MAP4K4: variants seen among roughly 807,000 people sequenced by gnomAD.
The protein encoded by MAP4K4 is HPK/GCK-like kinase HGK.
In MAP4K4, 38 loss-of-function variants were observed where a neutral mutation model predicts 189.6. The ratio of observed to expected loss-of-function variants is 0.20; its 90% CI spans 0.15 to 0.26. MAP4K4 has a LOEUF of 0.26. Among genes scored for constraint, MAP4K4 ranks in the 10% least tolerant of loss-of-function variants. MAP4K4 has a pLI of 1.00. For synonymous variants in MAP4K4, 610 were observed against 624.3 expected (o/e 0.98, Z 0.34); for missense variants, 1,054 against 1,726.9 (o/e 0.61, Z 6.91).
intron 23 of MAP4K4, chr2:101,870,783 A>G (rs960834561): frequency 5.1e-6 from 1 of 196,870 alleles, no homozygotes; most frequent in Non-Finnish European, 1.0e-5. Context: ...GGCTCTGCAG[A>G]GCACGCTGGG....
At chr2:101,723,093 C>T (rs2053162338) in intron 2 of MAP4K4, among the ~76,000 whole-genome samples, 1 of 152,212 alleles carries the variant, frequency 6.6e-6, no homozygotes, top group Non-Finnish European at 1.5e-5. Context: ...AACTGCCAAA[C>T]ACTTACAAAA....
At chr2:101,873,623 A>G in intron 24 of MAP4K4, 24 bp from the exon 25 acceptor site, 2 of 1,247,888 alleles carry the variant, frequency 1.6e-6, no homozygotes, top group Non-Finnish European at 2.3e-6. Flanking sequence ...AGTTGTATTA[A>G]TAACATTGAA....
rs539246148 is a variant in MAP4K4 at position 101,792,647 on chromosome 2, A to C, written c.180+1871A>C. 3.8e-4 allele frequency among the ~76,000 whole-genome samples: 52 copies of C among 136,434 alleles called. No individual in the cohort carries two copies. In the East Asian group the frequency reaches 8.7e-3, roughly 23 times the overall value. The allele number at this position is 136,434 out of a possible 152,430, so 89.5% of individuals were successfully genotyped here. On this transcript the variant is annotated intron_variant, in intron 3 of 32. Transcript: ENST00000324219. ...CTCCTCCTTCTTCTTTCTTCTTCTTATTTTTTGAGATGGAGTCTCACTCTG... is the reference window on the plus strand; with the variant it reads ...CTCCTCCTTCTTCTTTCTTCTTCTTCTTTTTTGAGATGGAGTCTCACTCTG...
chr2:101,777,522 A>G (rs2084892193), intron 2 of MAP4K4, among the ~76,000 whole-genome samples: 1 of 152,200 alleles, frequency 6.6e-6, no homozygotes, highest in South Asian at 2.1e-4. Context: ...AGACAAAGTC[A>G]TTCATCGCCT....
rs528382870 is a variant in MAP4K4, at chr2:101,789,175, G to A, written c.124-1545G>A. 3.3e-5 allele frequency among the ~76,000 whole-genome samples: 5 copies of A among 152,296 alleles called. No individual in the cohort carries two copies. In the South Asian group the frequency reaches 8.3e-4, roughly 25 times the overall value. ...CAGGGGGTGAATAACAGGTTTGAAG[G>A]TTGGTTAGTTGCCAAGGAGATGAAC... is the stretch of plus-strand genomic sequence containing the variant. On this transcript the variant is annotated intron_variant, in intron 2 of 32. Transcript: ENST00000324219.
At chr2:101,740,922 G>A (rs1000832199) in intron 2 of MAP4K4, among the ~76,000 whole-genome samples, 1 of 152,136 alleles carries the variant, frequency 6.6e-6, no homozygotes, top group African/African-American at 2.4e-5. Flanking sequence ...ATGTGTATGA[G>A]CCAGACCCTG....
intron 3 of MAP4K4, among the ~76,000 whole-genome samples, chr2:101,797,671 A>T (rs2093861750): frequency 1.3e-5 from 2 of 151,952 alleles, no homozygotes; most frequent in Admixed American, 6.6e-5. Context: ...TTATTTATTT[A>T]TTTTTTAAAT....
intron 3 of MAP4K4, among the ~76,000 whole-genome samples, chr2:101,791,987 T>C (rs1311652931): frequency 6.6e-6 from 1 of 152,250 alleles, no homozygotes; most frequent in African/African-American, 2.4e-5. Flanking sequence ...TGTTGTATTA[T>C]AGTGATCCTA....
At chr2:101,888,819 A>G (rs1559353201) in exon 32 of MAP4K4, 2 of 1,612,018 alleles carry the variant, frequency 1.2e-6, no homozygotes, top group Non-Finnish European at 1.7e-6. Flanking sequence ...CAATCAGACA[A>G]TGGGCTGGGG....
rs997467871 is a variant in MAP4K4, at chr2:101,790,647, T to G, written c.124-73T>G. 5.7e-6 allele frequency: 6 copies of G among 1,054,148 alleles called. No homozygotes were observed. In the African/African-American group the frequency reaches 9.4e-5, roughly 17 times the overall value. 65.3% of individuals were successfully genotyped at this position (1,054,148 alleles called of 1,614,324 possible). On this transcript the variant is annotated intron_variant, in intron 2 of 32. Coordinates refer to ENST00000324219, the Ensembl canonical transcript of MAP4K4. ...AGTTGAGATACGATTTGTTGGAAAC[T>G]TCAGCCATTTTGTTCTAATGATTGT...
intron 2 of MAP4K4, among the ~76,000 whole-genome samples, chr2:101,778,776 G>A (rs1177014537): frequency 3.3e-5 from 5 of 152,130 alleles, no homozygotes; most frequent in Admixed American, 6.5e-5. Context: ...ACAGGCTGCT[G>A]TTGGTGCCTT....
At chr2:101,892,607 T>G (rs1402429662) in exon 33 of MAP4K4, 3 of 286,470 alleles carry the variant, frequency 1.0e-5, no homozygotes, top group African/African-American at 6.8e-5. Context: ...TTTCTAAAAA[T>G]GCAATGCACT....
At chr2:101,834,216 CCATCCCTCCATCCCTCCCTT>C (rs1434339215) in intron 7 of MAP4K4, among the ~76,000 whole-genome samples, 173 bp from the exon 8 acceptor site, 1 of 136,006 alleles carries the variant, frequency 7.4e-6, no homozygotes, top group Admixed American at 7.4e-5. Flanking sequence ...CTCCATCCCT[CCATCCCTCCATCCCTCCCTT>C]CCTCCCCTCC....
intron 2 of MAP4K4, among the ~76,000 whole-genome samples, chr2:101,720,965 C>T (rs1429018276): frequency 6.6e-6 from 1 of 152,154 alleles, no homozygotes; most frequent in African/African-American, 2.4e-5. Flanking sequence ...TTAATAAAAA[C>T]CACATTTAAA....
Position 101,712,399 on chromosome 2 carries a change from T to C in MAP4K4, c.123+13861T>C, listed in dbSNP as rs544013256. On this transcript the variant is annotated intron_variant, in intron 2 of 32. Coordinates refer to ENST00000324219, the Ensembl canonical transcript of MAP4K4. The stretch of plus-strand genomic sequence containing the variant: ...TTAGTAGAGACGGGGTTTCACCGTG[T>C]TAGCCAGGATGGTCTTGATCTCCTG... Among the ~76,000 whole-genome samples the C allele has an allele frequency of 2.5e-3, 388 of 152,240 alleles. 2 individuals are homozygous for C. Among genetic ancestry groups the C allele is most frequent in the African/African-American group, 9.2e-3 (382 of 41,548 alleles).
intron 3 of MAP4K4, among the ~76,000 whole-genome samples, chr2:101,816,037 T>C (rs528183668): frequency 6.6e-6 from 1 of 152,268 alleles, no homozygotes; most frequent in African/African-American, 2.4e-5. Flanking sequence ...CCAGACTCAG[T>C]TCTGTCTCCT....
intron 2 of MAP4K4, among the ~76,000 whole-genome samples, chr2:101,774,640 G>C (rs144410858): frequency 1.3e-5 from 2 of 152,228 alleles, no homozygotes; most frequent in African/African-American, 4.8e-5. Context: ...AATCACTGCT[G>C]CCTCTCTTCA....
At chr2:101,847,839 CCACT>C (rs930466253) in intron 12 of MAP4K4, among the ~76,000 whole-genome samples, 11 of 152,290 alleles carry the variant, frequency 7.2e-5, no homozygotes, top group African/African-American at 2.2e-4. Context: ...TATTCACTCA[CCACT>C]CACTCACTGA....
chr2:101,760,497 A>C (rs2075783195), intron 2 of MAP4K4, among the ~76,000 whole-genome samples: 3 of 123,388 alleles, frequency 2.4e-5, no homozygotes, highest in Admixed American at 1.6e-4. Context: ...CAAAAAAAAA[A>C]AACAAAATAT....
Sources: allele counts gnomAD v4.1 joint callset (sites outside exome capture counted in the v4.1 genomes callset), GRCh38; gene constraint gnomAD v4.1.1; transcripts MANE v1.5; gene names NCBI Gene and HGNC (gene_info 2026-07-23, HGNC 2026-07-21).